TICRR: variants seen among roughly 807,000 people sequenced by gnomAD.
The protein encoded by TICRR is TOPBP1 interacting checkpoint and replication regulator.
TICRR carries 132 observed loss-of-function variants against 178.1 expected under a neutral mutation model. That is an observed-to-expected ratio of 0.74 (90% CI 0.64 to 0.86). TICRR has a LOEUF of 0.86. Ranked by LOEUF, TICRR falls within the 40% of genes least tolerant of loss-of-function variation. The pLI, the probability that TICRR is intolerant of heterozygous loss-of-function variation, is 0.00. For synonymous variants in TICRR, 991 were observed against 900.7 expected, an observed-to-expected ratio of 1.10 and a Z score of -1.79; for missense variants, 2,587 against 2,334.3, an observed-to-expected ratio of 1.11 and a Z score of -2.23.
intron 13 of TICRR, among the ~76,000 whole-genome samples, chr15:89,605,217 A>G (rs1179354252): frequency 3.9e-5 from 6 of 152,196 alleles, no homozygotes; most frequent in Admixed American, 3.9e-4. Context: ...GTTCTGCTAT[A>G]GTGGAAAAGC....
intron 13 of TICRR, among the ~76,000 whole-genome samples, chr15:89,603,540 G>T (rs183861824): frequency 1.3e-5 from 2 of 152,210 alleles, no homozygotes; most frequent in East Asian, 3.9e-4. Context: ...AGCTATGGTC[G>T]TGCCACTGCA....
In TICRR at chr15:89,624,467, G is replaced by A. The variant is rs755245343; in HGVS notation, c.4157G>A (p.Arg1386Lys). 2 of 1,614,188 alleles carry A rather than the reference G, an allele frequency of 1.2e-6. No individual in the cohort carries two copies. The highest frequency in any genetic ancestry group is 1.7e-6 in the Non-Finnish European group (2 of 1,180,052). ...CCTTCTAAAGTTGGGAAACGGTGTA[G>A]AAAGACCTCTGATCCCAGAAGGAGC... ...PPPSKVGKRC[R>K]KTSDPRRSIV... The change falls in exon 20 of 22, where the codon AGA becomes AAA. Residue 1386 changes from arginine to lysine, a missense_variant. Physicochemically the swap from Arg to Lys is conservative, Grantham distance 26. Coordinates refer to ENST00000268138, the MANE Select transcript of TICRR (RefSeq NM_152259.4).
In TICRR at chr15:89,616,625, A is replaced by T; in HGVS notation, c.2960+130A>T. ...ACTATGTTGCTTAAAACCAAAGAGC[A>T]TTCTATAAGCTCTCCATGGGAGCAG... On this transcript the variant is annotated intron_variant, in intron 16 of 21. Coordinates refer to ENST00000268138, the MANE Select transcript of TICRR (RefSeq NM_152259.4). 1.0e-5 allele frequency: 7 copies of T among 674,396 alleles called. No individual in the cohort carries two copies. In the South Asian group the frequency reaches 1.3e-4, roughly 12 times the overall value. 41.8% of individuals were successfully genotyped at this position (674,396 alleles called of 1,614,324 possible).
chr15:89,619,541 C>T (rs1156589304), intron 17 of TICRR, among the ~76,000 whole-genome samples, 167 bp from the exon 18 acceptor site: 1 of 151,996 alleles, frequency 6.6e-6, no homozygotes, highest in East Asian at 1.9e-4. Flanking sequence ...GTATCAAACC[C>T]CTCTTAGTTT....
chr15:89,614,801 A>G (rs930975585), intron 15 of TICRR, among the ~76,000 whole-genome samples: 3 of 152,232 alleles, frequency 2.0e-5, no homozygotes, highest in African/African-American at 7.2e-5. Context: ...TTAGTGGTCA[A>G]CTAATGATTG....
rs1465553464 is a variant in TICRR, at chr15:89,616,027, GGCAC to G, written c.2870-373_2870-370del. On this transcript the variant is annotated intron_variant, in intron 15 of 21. Coordinates refer to ENST00000268138, the MANE Select transcript of TICRR (RefSeq NM_152259.4). ...CGCCTCCCAAGTAGCTGGGCTTACAGGCACGCACCACCTCGCCCAGTTAATTTTT... is the reference window on the plus strand; with the variant it reads ...CGCCTCCCAAGTAGCTGGGCTTACAGGCACCACCTCGCCCAGTTAATTTTT... Among the ~76,000 whole-genome samples the G allele has an allele frequency of 9.9e-5, 15 of 152,098 alleles. No individual in the cohort carries two copies. In the East Asian group the frequency reaches 2.7e-3, roughly 27 times the overall value.
intron 3 of TICRR, among the ~76,000 whole-genome samples, chr15:89,584,867 GTATT>G (rs570377420): frequency 2.1e-4 from 32 of 152,036 alleles, no homozygotes; most frequent in Non-Finnish European, 4.3e-4. Flanking sequence ...TTTTATATAA[GTATT>G]TAAGAAAAAG....
Position 89,585,748 on chromosome 15 carries a change from C to A in TICRR, c.1217C>A (p.Thr406Asn). ...CCTGGTGAAGGCCGGCCCCCCATCACTGGAGTTATTTCCCCACTCTCTGCC... is the reference window on the plus strand; with the variant it reads ...CCTGGTGAAGGCCGGCCCCCCATCAATGGAGTTATTTCCCCACTCTCTGCC... ...VDPGEGRPPITGVISPLSASA... is the reference protein window; with the variant it reads ...VDPGEGRPPINGVISPLSASA... The change falls in exon 4 of 22, where the codon ACT (threonine) becomes AAT (asparagine). Residue 406 changes from threonine (T) to asparagine (N), a missense_variant. Coordinates refer to ENST00000268138, the MANE Select transcript of TICRR (RefSeq NM_152259.4). 1 of 1,614,162 alleles carries A rather than the reference C, an allele frequency of 6.2e-7. No homozygotes were observed. The highest frequency in any genetic ancestry group is 8.5e-7 in the Non-Finnish European group (1 of 1,180,028).
In TICRR at chr15:89,624,572, G is replaced by C; in HGVS notation, c.4262G>C (p.Arg1421Thr). The C allele has an allele frequency of 6.2e-7, 1 of 1,613,914 alleles. No individual in the cohort carries two copies. The highest frequency in any genetic ancestry group is 8.5e-7 in the Non-Finnish European group (1 of 1,179,982). The change falls in exon 20 of 22, where the codon AGA becomes ACA. Residue 1421 changes from arginine to threonine, a missense_variant. Coordinates refer to ENST00000268138, the MANE Select transcript of TICRR (RefSeq NM_152259.4). ...AGCCCAGCTGCCCCCACAGACTCTA[G>C]AGATGACCAGAAGGGACTGAGCCTC... ...ADSPAAPTDSRDDQKGLSLSP... is the reference protein window; with the variant it reads ...ADSPAAPTDSTDDQKGLSLSP...
chr15:89,575,964 G>A lies in TICRR; in HGVS notation c.378G>A (p.Leu126=), dbSNP rs765031238. The change falls in exon 1 of 22, where the codon CTG becomes CTA. Residue 126 remains leucine (L), a synonymous_variant. Transcript: ENST00000268138. ...TCACGTCGCCCACGAAGCCGATCCT[G>A]CGGAGCAGCGGGAGGAGACTGCTGG... ...PEITSPTKPI[L]RSSGRRLLDV... The A allele has an allele frequency of 6.2e-7, 1 of 1,603,820 alleles. No individual in the cohort carries two copies. Among genetic ancestry groups the A allele is most frequent in the Admixed American group, 1.7e-5 (1 of 58,834 alleles).
In TICRR at chr15:89,616,446, G is replaced by C; in HGVS notation, c.2911G>C (p.Val971Leu). The change falls in exon 16 of 22, where the codon GTG becomes CTG. Residue 971 changes from valine to leucine, a missense_variant. Transcript: ENST00000268138. ...LLTKSVAETPVHKQISKRLLH... is the reference protein window; with the variant it reads ...LLTKSVAETPLHKQISKRLLH... ...GACTAAGAGTGTGGCCGAGACTCCA[G>C]TGCATAAGCAGATCTCCAAAAGGCT... 1.2e-6 allele frequency: 2 copies of C among 1,614,080 alleles called. No individual in the cohort carries two copies. The highest frequency in any genetic ancestry group is 8.5e-7 in the Non-Finnish European group (1 of 1,179,958).
rs767472162 is a variant in TICRR at position 89,601,320 on chromosome 15, C to G, written c.2176C>G (p.Arg726Gly). ...VRECQLQVFLRLEMCLQCPSI... is the reference protein window; with the variant it reads ...VRECQLQVFLGLEMCLQCPSI... Reference sequence around the variant, plus strand: ...AAGGTGCCAGCTTCAGGTATTTCTTCGTTTGGAGATGTGTCTGCAATGCCC... The same window carrying G: ...AAGGTGCCAGCTTCAGGTATTTCTTGGTTTGGAGATGTGTCTGCAATGCCC... Residue 726 changes from arginine to glycine, a missense_variant, in exon 10 of 22, where the codon CGT (arginine) becomes GGT (glycine). Arg to Gly is a moderately radical substitution (Grantham distance 125, BLOSUM62 -2). Coordinates refer to ENST00000268138, the MANE Select transcript of TICRR (RefSeq NM_152259.4). 1 of 1,613,876 alleles carries G rather than the reference C, an allele frequency of 6.2e-7. No individual in the cohort carries two copies. Among genetic ancestry groups the G allele is most frequent in the African/African-American group, 1.3e-5 (1 of 74,880 alleles).
intron 16 of TICRR, 139 bp from the exon 17 acceptor site, chr15:89,618,013 T>A (rs1963363325): frequency 2.3e-6 from 2 of 858,916 alleles, no homozygotes; most frequent in East Asian, 4.9e-5. Flanking sequence ...AATAATCACG[T>A]ATGAGAGCCC....
chr15:89,576,227 C>T lies in TICRR; in HGVS notation c.641C>T (p.Thr214Ile), dbSNP rs750254245. 6 of 1,581,122 alleles carry T rather than the reference C, an allele frequency of 3.8e-6. No homozygotes were observed. The Admixed American group carries it at 5.1e-5, about 14-fold the overall frequency. The change falls in exon 1 of 22, where the codon ACC becomes ATC. Residue 214 changes from threonine (T) to isoleucine (I), a missense_variant. Physicochemically the swap from Thr to Ile is moderately conservative, Grantham distance 89. Transcript: ENST00000268138. Reference sequence around the variant, plus strand: ...ATCACCTTCTACTGGGTGGATACCACCGAATGGTCTAAGGTAAGGAAGGTT... The same window carrying T: ...ATCACCTTCTACTGGGTGGATACCATCGAATGGTCTAAGGTAAGGAAGGTT... ...RKITFYWVDTTEWSKLWESPD... is the reference protein window; with the variant it reads ...RKITFYWVDTIEWSKLWESPD...
intron 16 of TICRR, among the ~76,000 whole-genome samples, chr15:89,617,342 A>G (rs1215051956): frequency 6.6e-6 from 1 of 152,200 alleles, no homozygotes; most frequent in East Asian, 1.9e-4. Flanking sequence ...TAAATTTTTT[A>G]TAACATCCTT....
Position 89,624,425 on chromosome 15 carries a change from C to T in TICRR, c.4115C>T (p.Thr1372Ile), listed in dbSNP as rs1418632546. Residue 1372 changes from threonine (T) to isoleucine (I), a missense_variant, in exon 20 of 22, where the codon ACC becomes ATC. Coordinates refer to ENST00000268138, the MANE Select transcript of TICRR (RefSeq NM_152259.4). The part of the protein sequence containing the change: ...PELSQRATLD[T>I]VPPPPPSKVG... ...CTCTCACAGAGAGCTACATTGGACA[C>T]CGTCCCTCCTCCACCCCCTTCTAAA... is the stretch of plus-strand genomic sequence containing the variant. 6.2e-7 allele frequency: 1 copy of T among 1,614,182 alleles called. No individual in the cohort carries two copies. Among genetic ancestry groups the T allele is most frequent in the Admixed American group, 1.7e-5 (1 of 60,020 alleles).
In TICRR at chr15:89,594,507, C is replaced by T. The variant is rs775621743; in HGVS notation, c.1634C>T (p.Ser545Phe). 1.4e-5 allele frequency: 23 copies of T among 1,613,264 alleles called. No homozygotes were observed. The South Asian group carries it at 2.5e-4, about 18-fold the overall frequency. Residue 545 changes from serine to phenylalanine, a missense_variant, in exon 6 of 22, where the codon TCT becomes TTT. Ser to Phe is a radical substitution (Grantham distance 155). Coordinates refer to ENST00000268138, the MANE Select transcript of TICRR (RefSeq NM_152259.4). ...CTTGCCGAGCTCTACCAGAGAAAAT[C>T]TCGTGAAGAATCCACTATAGCTCAT... is the stretch of plus-strand genomic sequence containing the variant. ...HCLAELYQRK[S>F]REESTIAHQE... is the part of the protein sequence containing the mutation.
intron 1 of TICRR, among the ~76,000 whole-genome samples, chr15:89,577,042 C>T (rs1962635754): frequency 1.3e-5 from 2 of 151,796 alleles, no homozygotes; most frequent in Admixed American, 6.6e-5. Flanking sequence ...TACAGGCCCA[C>T]GCCACCATGC....
At chr15:89,580,752 G>C (rs1188577460) in intron 1 of TICRR, among the ~76,000 whole-genome samples, 8 of 152,142 alleles carry the variant, frequency 5.3e-5, no homozygotes, top group South Asian at 2.1e-4. Flanking sequence ...AAGCAGTCTA[G>C]GCCAGGCCTA....
Sources: allele counts gnomAD v4.1 joint callset (sites outside exome capture counted in the v4.1 genomes callset), GRCh38; gene constraint gnomAD v4.1.1; transcripts MANE v1.5; gene names NCBI Gene and HGNC (gene_info 2026-07-23, HGNC 2026-07-21).